The following DCLK2 variants were observed in gnomAD, a reference collection of about 807,000 sequenced individuals.
DCLK2 encodes doublecortin like kinase 2.
In DCLK2, 31 loss-of-function variants were observed where a neutral mutation model predicts 78.4. The observed-to-expected ratio is 0.40, with a 90% confidence interval of 0.30 to 0.53. DCLK2 has a LOEUF of 0.53. Among genes scored for constraint, DCLK2 ranks in the 20% least tolerant of loss-of-function variants. DCLK2 has a pLI of 0.61. For synonymous variants in DCLK2, 407 were observed against 374.9 expected (o/e 1.09, Z -0.99); for missense variants, 872 against 973.7 (o/e 0.90, Z 1.39).
intron 11 of DCLK2, 110 bp from the exon 12 acceptor site, chr4:150,240,289 T>C (rs1282462835): frequency 2.2e-6 from 2 of 915,116 alleles, no homozygotes; most frequent in Admixed American, 2.5e-5. Flanking sequence ...AAATGAATAA[T>C]TTAACACTAA....
rs779565502 is a variant in DCLK2 at position 150,203,776 on chromosome 4, T to C, written c.962-19T>C. ...GGGTTTTAATGGGACTTCTGTCTTC[T>C]TTGTTGTCTCATGGGCAGTTAATGG... On this transcript the variant is annotated intron_variant, in intron 4 of 15. Transcript: ENST00000296550. 4 of 1,600,418 alleles carry C rather than the reference T, an allele frequency of 2.5e-6. No homozygotes were observed. In the East Asian group the frequency reaches 8.9e-5, roughly 36 times the overall value.
At position 150,184,598 on chromosome 4, in the gene DCLK2, CTTCT is replaced by C. The variant is rs869231371; in HGVS notation, c.757-8537_757-8534del. On this transcript the variant is annotated intron_variant, in intron 2 of 15. Coordinates refer to ENST00000296550, the MANE Select transcript of DCLK2 (RefSeq NM_001040260.4). ...TCTTGTGTTTCTTCTTCTTCTTCTT[CTTCT>C]TTTTTTTTTTTTTTTTTGAGACGGA... Among the ~76,000 whole-genome samples the C allele has an allele frequency of 3.6e-3, 389 of 109,550 alleles. 2 individuals are homozygous for C. The highest frequency in any genetic ancestry group is 0.018 in the South Asian group (57 of 3,132). 71.9% of individuals were successfully genotyped at this position (109,550 alleles called of 152,430 possible).
At chr4:150,137,827 A>G (rs985215462) in intron 2 of DCLK2, among the ~76,000 whole-genome samples, 2 of 152,218 alleles carry the variant, frequency 1.3e-5, no homozygotes, top group Non-Finnish European at 2.9e-5. Context: ...ATAAAATGTT[A>G]TGACCATCTG....
At chr4:150,122,213 CT>C (rs1357967208) in intron 2 of DCLK2, among the ~76,000 whole-genome samples, 1 of 152,172 alleles carries the variant, frequency 6.6e-6, no homozygotes, top group East Asian at 1.9e-4. Context: ...ATTCTAAATC[CT>C]TTGTTGTCAT....
intron 1 of DCLK2, among the ~76,000 whole-genome samples, chr4:150,081,976 C>A (rs1378612210): frequency 7.4e-6 from 1 of 134,874 alleles, no homozygotes; most frequent in Non-Finnish European, 1.5e-5. Flanking sequence ...CCAGCCTGGG[C>A]GATGGAGCAA....
At position 150,232,517 on chromosome 4, in the gene DCLK2, A is replaced by G; in HGVS notation, c.1419+61A>G. On this transcript the variant is annotated intron_variant, in intron 9 of 15. Transcript: ENST00000296550. ...CCACAATTTACAACATCCTTGAAGG[A>G]CCTAATCAGAAAAGTGTATTGCTAC... The G allele has an allele frequency of 6.3e-6, 10 of 1,588,504 alleles. No individual in the cohort carries two copies. In the South Asian group the frequency reaches 1.1e-4, roughly 18 times the overall value.
intron 2 of DCLK2, among the ~76,000 whole-genome samples, chr4:150,160,425 A>G (rs1444771279): frequency 6.6e-6 from 1 of 152,200 alleles, no homozygotes; most frequent in East Asian, 1.9e-4. Context: ...TCAGTATTCA[A>G]GCACCATGTT....
At chr4:150,162,929 T>A (rs1442854030) in intron 2 of DCLK2, among the ~76,000 whole-genome samples, 1 of 152,242 alleles carries the variant, frequency 6.6e-6, no homozygotes, top group African/African-American at 2.4e-5. Context: ...CCTCCTGGCC[T>A]TATCATTTAG....
In DCLK2 at chr4:150,198,033, A is replaced by G. The variant is rs1739185964; in HGVS notation, c.891A>G (p.Arg297=). ...ECRVLKSSYS[R]SSAVKYSGSK... ...GTGTCCTGAAGTCATCTTATTCTCG[A>G]TCCTCAGCTGTTAAGTATTCTGGAT... Residue 297 remains arginine, a synonymous_variant, in exon 4 of 16, where the codon CGA becomes CGG. Coordinates refer to ENST00000296550, the MANE Select transcript of DCLK2 (RefSeq NM_001040260.4). The G allele has an allele frequency of 6.2e-7, 1 of 1,613,856 alleles. No individual in the cohort carries two copies. The highest frequency in any genetic ancestry group is 1.7e-5 in the Admixed American group (1 of 59,978).
At chr4:150,112,681 C>T (rs939555677) in intron 2 of DCLK2, among the ~76,000 whole-genome samples, 5 of 151,672 alleles carry the variant, frequency 3.3e-5, no homozygotes, top group South Asian at 2.1e-4. Context: ...TTTTCTGCAT[C>T]GATTGAGATG....
rs892463872 is a variant in DCLK2, at chr4:150,256,521, TCA to T, written c.*275_*276del. ...CTCGTTCCAGATCATCCCGTCATTT[TCA>T]GTTTGTTGGACATTTTACAGCTTCA... On this transcript the variant is annotated 3_prime_UTR_variant, in exon 16 of 16. Coordinates refer to ENST00000296550, the MANE Select transcript of DCLK2 (RefSeq NM_001040260.4). 12 of 425,386 alleles carry T rather than the reference TCA, an allele frequency of 2.8e-5. No homozygotes were observed. The highest frequency in any genetic ancestry group is 2.3e-4 in the African/African-American group (11 of 48,166). 26.4% of individuals were successfully genotyped at this position (425,386 alleles called of 1,614,324 possible).
Position 150,247,798 on chromosome 4 carries a change from T to A in DCLK2, c.1875+99T>A, listed in dbSNP as rs1743446986. 8.7e-6 allele frequency: 8 copies of A among 922,042 alleles called. No homozygotes were observed. In the South Asian group the frequency reaches 1.2e-4, roughly 13 times the overall value. The allele number at this position is 922,042 out of a possible 1,614,324, so 57.1% of individuals were successfully genotyped here. On this transcript the variant is annotated intron_variant, in intron 13 of 15. Transcript: ENST00000296550. ...CGCTAGGTATTGCATTCCAGAAAGCTCCTTGGCTTTTAATGTGTGGTTCTT... is the reference window on the plus strand; with the variant it reads ...CGCTAGGTATTGCATTCCAGAAAGCACCTTGGCTTTTAATGTGTGGTTCTT...
chr4:150,231,305 G>C (rs546815712), intron 8 of DCLK2, among the ~76,000 whole-genome samples: 3 of 152,324 alleles, frequency 2.0e-5, no homozygotes, highest in East Asian at 3.9e-4. Flanking sequence ...TAGCAAATTT[G>C]CACTGTCACT....
At chr4:150,109,968 A>G (rs1024699922) in intron 2 of DCLK2, among the ~76,000 whole-genome samples, 1 of 152,206 alleles carries the variant, frequency 6.6e-6, no homozygotes, top group Non-Finnish European at 1.5e-5. Context: ...AGTGTGAAGA[A>G]AGAAGGAAAT....
At chr4:150,119,000 C>T (rs551577107) in intron 2 of DCLK2, among the ~76,000 whole-genome samples, 1 of 151,308 alleles carries the variant, frequency 6.6e-6, no homozygotes, top group Non-Finnish European at 1.5e-5. Context: ...ACTCCAGCCT[C>T]GACAACAGTT....
intron 2 of DCLK2, among the ~76,000 whole-genome samples, chr4:150,104,841 T>C (rs1731148496): frequency 6.6e-6 from 1 of 152,148 alleles, no homozygotes; most frequent in Non-Finnish European, 1.5e-5. Flanking sequence ...ACTGGAAGTA[T>C]TTCTATGACA....
chr4:150,181,625 A>T (rs6535717), intron 2 of DCLK2, among the ~76,000 whole-genome samples: 134,465 of 149,786 alleles, frequency 0.9, 60,358 homozygotes, highest in Middle Eastern at 0.93. Context: ...GTGTTTTTTT[A>T]TTTTTTAGGA....
intron 2 of DCLK2, among the ~76,000 whole-genome samples, chr4:150,157,552 G>C (rs1735400270): frequency 1.4e-5 from 2 of 143,134 alleles, no homozygotes; most frequent in African/African-American, 2.6e-5. Context: ...TCTCTCTCTT[G>C]TTCAGGCTGG....
At chr4:150,197,486 G>T (rs1027125417) in intron 3 of DCLK2, among the ~76,000 whole-genome samples, 1 of 152,156 alleles carries the variant, frequency 6.6e-6, no homozygotes, top group Admixed American at 6.5e-5. Context: ...GGGCGTGGTG[G>T]CTCATGCCTG....
Sources: allele counts gnomAD v4.1 joint callset (sites outside exome capture counted in the v4.1 genomes callset), GRCh38; gene constraint gnomAD v4.1.1; transcripts MANE v1.5; gene names NCBI Gene and HGNC (gene_info 2026-07-23, HGNC 2026-07-21).